ITCH: variants seen among roughly 807,000 people sequenced by gnomAD.
ITCH encodes the protein itchy E3 ubiquitin protein ligase.
ITCH carries 28 observed loss-of-function variants against 126.8 expected under a neutral mutation model. The ratio of observed to expected loss-of-function variants is 0.22; its 90% CI spans 0.16 to 0.30. ITCH has a LOEUF of 0.30. ITCH is among the 10% of genes least tolerant of loss of function. ITCH has a pLI of 1.00. For missense variants in ITCH, 631 were observed against 1,032.4 expected (o/e 0.61, Z 5.33); for synonymous variants, 342 against 340.0 (o/e 1.01, Z -0.06).
intron 17 of ITCH, 170 bp downstream of exon 17, chr20:34,478,030 A>G (rs1265954858): frequency 1.2e-6 from 1 of 800,302 alleles, no homozygotes. Flanking sequence ...CATTTAATTC[A>G]GCACTTTCTA....
intron 20 of ITCH, 73 bp downstream of exon 20, chr20:34,481,279 T>G: frequency 3.5e-6 from 5 of 1,413,558 alleles, no homozygotes; most frequent in Non-Finnish European, 5.0e-6. Context: ...CTAATACTAA[T>G]GGAGAGTATC....
At chr20:34,494,101 C>A (rs6120663) in intron 23 of ITCH, among the ~76,000 whole-genome samples, 52,708 of 152,088 alleles carry the variant, frequency 0.35, 10,455 homozygotes, top group Middle Eastern at 0.47. Flanking sequence ...TGTTGACGCA[C>A]ACTTGTAGCC....
intron 7 of ITCH, among the ~76,000 whole-genome samples, chr20:34,430,418 ACG>A (rs1982125732): frequency 6.6e-6 from 1 of 151,994 alleles, no homozygotes; most frequent in African/African-American, 2.4e-5. Flanking sequence ...GTAAAGACTT[ACG>A]GAATTTTTTT....
At chr20:34,474,772 G>T (rs529412172) in intron 16 of ITCH, among the ~76,000 whole-genome samples, 2 of 129,508 alleles carry the variant, frequency 1.5e-5, no homozygotes, top group South Asian at 5.0e-4. Flanking sequence ...TCCAGGACAG[G>T]GCGGCTGGCC....
intron 1 of ITCH, among the ~76,000 whole-genome samples, chr20:34,363,562 G>T (rs529118462): frequency 6.6e-6 from 1 of 152,340 alleles, no homozygotes; most frequent in South Asian, 2.1e-4. Context: ...CTGTCTGGAC[G>T]TTCGGAGGGA....
chr20:34,409,338 A>G (rs972581867), intron 4 of ITCH, among the ~76,000 whole-genome samples: 1 of 151,966 alleles, frequency 6.6e-6, no homozygotes. Flanking sequence ...GACCACAGGC[A>G]TGCATCACTG....
At chr20:34,464,346 T>TCACTCTTTTTGCC (rs991058833) in intron 14 of ITCH, among the ~76,000 whole-genome samples, 2 of 150,194 alleles carry the variant, frequency 1.3e-5, no homozygotes, top group Non-Finnish European at 3.0e-5. Flanking sequence ...AGACGGAGCT[T>TCACTCTTTTTGCC]CACTCTTTTT....
intron 2 of ITCH, among the ~76,000 whole-genome samples, chr20:34,385,227 T>TTA: frequency 6.9e-6 from 1 of 145,584 alleles, no homozygotes; most frequent in East Asian, 2.0e-4. Context: ...GTGTGGTTTT[T>TTA]TTTTTTTTTT....
chr20:34,457,637 A>C (rs1986132665), intron 13 of ITCH, among the ~76,000 whole-genome samples, 163 bp downstream of exon 13: 1 of 152,198 alleles, frequency 6.6e-6, no homozygotes, highest in African/African-American at 2.4e-5. Context: ...ATCTAATGGA[A>C]AGTTTGAAGA....
At chr20:34,383,453 G>T (rs1318269461) in intron 2 of ITCH, among the ~76,000 whole-genome samples, 1 of 146,376 alleles carries the variant, frequency 6.8e-6, no homozygotes, top group African/African-American at 2.5e-5. Context: ...TGCAACCTCC[G>T]CCTCCTTGGT....
intron 6 of ITCH, among the ~76,000 whole-genome samples, chr20:34,422,482 C>T (rs1267823920): frequency 6.6e-6 from 1 of 152,176 alleles, no homozygotes. Context: ...ATGTCCCATT[C>T]ATAAGCCATT....
chr20:34,435,729 T>G (rs1328460740), intron 7 of ITCH, among the ~76,000 whole-genome samples: 1 of 152,132 alleles, frequency 6.6e-6, no homozygotes, highest in African/African-American at 2.4e-5. Flanking sequence ...GGGTTAGTTG[T>G]GGTGGAAGAA....
Position 34,504,408 on chromosome 20 carries a change from G to A in ITCH, c.2489+5G>A, listed in dbSNP as rs924034295. On this transcript the variant is annotated splice_donor_5th_base_variant and intron_variant, in intron 24 of 24. Coordinates refer to ENST00000374864, the MANE Select transcript of ITCH (RefSeq NM_031483.7). ...GCTACCCAGAAGTCATACCTGGTAA[G>A]TACAATCAGAATGGATAGAGAAAAC... The A allele has an allele frequency of 2.5e-6, 4 of 1,589,418 alleles. No individual in the cohort carries two copies. The African/African-American group carries it at 4.0e-5, about 16-fold the overall frequency.
intron 12 of ITCH, among the ~76,000 whole-genome samples, 189 bp downstream of exon 12, chr20:34,449,669 G>A (rs1273096716): frequency 1.3e-5 from 2 of 151,784 alleles, no homozygotes; most frequent in African/African-American, 4.8e-5. Flanking sequence ...AACATTAAGT[G>A]GACTCTTTAT....
intron 17 of ITCH, among the ~76,000 whole-genome samples, chr20:34,478,240 C>T (rs1024667549): frequency 2.0e-4 from 30 of 152,304 alleles, no homozygotes; most frequent in Middle Eastern, 6.8e-3. Flanking sequence ...ATCTGTTCCA[C>T]AGAAAACACA....
chr20:34,507,287 T>G (rs925985515), intron 24 of ITCH, among the ~76,000 whole-genome samples: 13,722 of 103,978 alleles, frequency 0.13, 704 homozygotes, highest in South Asian at 0.22. Context: ...TTTTTTTTTT[T>G]TTGGTTGTTG....
intron 3 of ITCH, among the ~76,000 whole-genome samples, chr20:34,407,374 C>A (rs549247252): frequency 7.9e-4 from 120 of 152,278 alleles, no homozygotes; most frequent in African/African-American, 2.8e-3. Context: ...TCAAGCAATT[C>A]TCCTGCCTCA....
chr20:34,483,190 G>A (rs572764864), intron 20 of ITCH, among the ~76,000 whole-genome samples: 30 of 152,266 alleles, frequency 2.0e-4, no homozygotes, highest in African/African-American at 7.2e-4. Flanking sequence ...GACCTCTGAC[G>A]TGCCCTGTAG....
At chr20:34,417,746 T>C (rs570293827) in intron 6 of ITCH, among the ~76,000 whole-genome samples, 2 of 148,740 alleles carry the variant, frequency 1.3e-5, no homozygotes, top group Non-Finnish European at 3.0e-5. Flanking sequence ...CTTATTCTTA[T>C]AGCCCACAGA....
Sources: gnomAD v4.1 joint callset for allele counts (sites outside exome capture counted in the v4.1 genomes callset) on GRCh38, gnomAD v4.1.1 for gene constraint, MANE v1.5 for transcripts, NCBI Gene and HGNC (gene_info 2026-07-23, HGNC 2026-07-21) for gene names.